JARID2: variants seen among roughly 807,000 people sequenced by gnomAD.
JARID2 encodes the protein protein Jumonji.
A neutral mutation model predicts 125.6 loss-of-function variants in JARID2; 21 were observed. That is an observed-to-expected ratio of 0.17 (90% CI 0.12 to 0.24). JARID2 has a LOEUF of 0.24. JARID2 is among the 10% of genes least tolerant of loss of function. JARID2 has a pLI of 1.00. For missense variants in JARID2, 1,303 were observed against 1,639.6 expected, an observed-to-expected ratio of 0.79 and a Z score of 3.55; for synonymous variants, 736 against 661.6, an observed-to-expected ratio of 1.11 and a Z score of -1.73.
At chr6:15,349,714 C>T (rs1763362199) in intron 1 of JARID2, among the ~76,000 whole-genome samples, 1 of 152,142 alleles carries the variant, frequency 6.6e-6, no homozygotes, top group African/African-American at 2.4e-5. Context: ...CCCCACCACC[C>T]CTTACGCTAG....
rs534085474 is a variant in JARID2, at chr6:15,255,977, G to A, written c.45+9393G>A. 3.3e-5 allele frequency among the ~76,000 whole-genome samples: 5 copies of A among 152,296 alleles called. No individual in the cohort carries two copies. In the South Asian group the frequency reaches 1.0e-3, roughly 32 times the overall value. Reference sequence around the variant, plus strand: ...AGTTTGGCCTTGTGTTAAACTGGCTGTGTGACTCCAGGCAGGCTATACAAC... The same window carrying A: ...AGTTTGGCCTTGTGTTAAACTGGCTATGTGACTCCAGGCAGGCTATACAAC... On this transcript the variant is annotated intron_variant, in intron 1 of 17. Transcript: ENST00000341776.
chr6:15,257,372 A>G (rs1759704893), intron 1 of JARID2, among the ~76,000 whole-genome samples: 1 of 152,164 alleles, frequency 6.6e-6, no homozygotes, highest in Non-Finnish European at 1.5e-5. Context: ...CTACTTGCAC[A>G]TACAGTTTTA....
chr6:15,386,463 C>T (rs1347625888), intron 2 of JARID2, among the ~76,000 whole-genome samples: 6 of 152,184 alleles, frequency 3.9e-5, no homozygotes, highest in South Asian at 4.2e-4. Context: ...AAGGTTCCTC[C>T]TTCTCCCTTC....
At chr6:15,475,004 C>T (rs1018557960) in intron 5 of JARID2, among the ~76,000 whole-genome samples, 1 of 152,234 alleles carries the variant, frequency 6.6e-6, no homozygotes, top group Admixed American at 6.5e-5. Context: ...TCCAAGTGGT[C>T]AGACTGCTGG....
At position 15,454,596 on chromosome 6, in the gene JARID2, A is replaced by G. The variant is rs561527364; in HGVS notation, c.493+2421A>G. ...GGGCTCAAGCCATCCTTCTGCCTCAACCTCTCCAATAGCTAGACCTACAGG... is the reference window on the plus strand; with the variant it reads ...GGGCTCAAGCCATCCTTCTGCCTCAGCCTCTCCAATAGCTAGACCTACAGG... On this transcript the variant is annotated intron_variant, in intron 4 of 17. Transcript: ENST00000341776. 5.4e-3 allele frequency among the ~76,000 whole-genome samples: 821 copies of G among 151,138 alleles called. 3 individuals carry two copies. The highest frequency in any genetic ancestry group is 7.2e-3 in the Non-Finnish European group (489 of 67,880).
chr6:15,368,775 G>T (rs770395861), intron 1 of JARID2: 4 of 466,904 alleles, frequency 8.6e-6, no homozygotes, highest in Admixed American at 6.9e-5. Context: ...AATACTGGCC[G>T]CATGGGATGG....
intron 1 of JARID2, among the ~76,000 whole-genome samples, chr6:15,289,746 T>C (rs1761136196): frequency 6.6e-6 from 1 of 152,158 alleles, no homozygotes; most frequent in African/African-American, 2.4e-5. Flanking sequence ...TTCAGGAGGC[T>C]GAGGCAGGAG....
intron 1 of JARID2, among the ~76,000 whole-genome samples, chr6:15,345,753 G>A (rs896614781): frequency 3.9e-5 from 6 of 151,954 alleles, no homozygotes; most frequent in African/African-American, 7.3e-5. Context: ...ATTTTCTTAC[G>A]TTTTCTTAGA....
intron 1 of JARID2, among the ~76,000 whole-genome samples, chr6:15,249,162 G>A (rs1309081211): frequency 6.6e-6 from 1 of 152,102 alleles, no homozygotes; most frequent in African/African-American, 2.4e-5. Flanking sequence ...GTAAAGAAAT[G>A]AAAGTATTCA....
intron 1 of JARID2, among the ~76,000 whole-genome samples, chr6:15,353,500 G>A (rs921180165): frequency 6.6e-6 from 1 of 152,134 alleles, no homozygotes; most frequent in African/African-American, 2.4e-5. Context: ...CATTATCGAG[G>A]AAGGTCTCTT....
At chr6:15,340,837 TGA>T (rs1763044443) in intron 1 of JARID2, among the ~76,000 whole-genome samples, 1 of 152,216 alleles carries the variant, frequency 6.6e-6, no homozygotes, top group African/African-American at 2.4e-5. Flanking sequence ...GTTGGCCTTA[TGA>T]CCTATCTGAA....
At chr6:15,284,350 G>A (rs982318588) in intron 1 of JARID2, among the ~76,000 whole-genome samples, 15 of 151,956 alleles carry the variant, frequency 9.9e-5, no homozygotes, top group Non-Finnish European at 1.9e-4. Flanking sequence ...TCAAGTCTTG[G>A]CATACATTGA....
rs189887021 is a variant in JARID2 at position 15,426,463 on chromosome 6, T to G, written c.323+16098T>G. Among the ~76,000 whole-genome samples the G allele has an allele frequency of 4.2e-3, 637 of 152,326 alleles. 7 individuals are homozygous for G. The highest frequency in any genetic ancestry group is 0.014 in the African/African-American group (599 of 41,570). ...ATTGGACAGGCCCAGCTAGGCAGAC[T>G]GGAAATGACCAAGAACCCAGGTAGT... On this transcript the variant is annotated intron_variant, in intron 3 of 17. Coordinates refer to ENST00000341776, the MANE Select transcript of JARID2 (RefSeq NM_004973.4).
chr6:15,448,027 C>T (rs1767750303), intron 3 of JARID2, among the ~76,000 whole-genome samples: 1 of 152,216 alleles, frequency 6.6e-6, no homozygotes, highest in African/African-American at 2.4e-5. Flanking sequence ...GTATGGGGCT[C>T]TTAATCCCCA....
chr6:15,467,154 A>G (rs778953861), intron 4 of JARID2, among the ~76,000 whole-genome samples: 10 of 152,136 alleles, frequency 6.6e-5, no homozygotes, highest in Non-Finnish European at 1.3e-4. Context: ...TTTTGGGGAG[A>G]TGGGTGCTTG....
chr6:15,339,765 C>T (rs1268843094), intron 1 of JARID2, among the ~76,000 whole-genome samples: 1 of 152,100 alleles, frequency 6.6e-6, no homozygotes, highest in Non-Finnish European at 1.5e-5. Flanking sequence ...GAACTCCCAA[C>T]CTCAGGTGAT....
At chr6:15,370,659 A>C (rs1194221005) in intron 1 of JARID2, among the ~76,000 whole-genome samples, 2 of 152,050 alleles carry the variant, frequency 1.3e-5, no homozygotes, top group Admixed American at 6.6e-5. Context: ...GCTGTTTTTT[A>C]GAGCGTTCAG....
At chr6:15,382,213 A>C (rs1480861578) in intron 2 of JARID2, among the ~76,000 whole-genome samples, 1 of 152,240 alleles carries the variant, frequency 6.6e-6, no homozygotes, top group Non-Finnish European at 1.5e-5. Flanking sequence ...TGGTGAGCCA[A>C]GATCGCACCA....
chr6:15,445,335 T>G (rs529506960), intron 3 of JARID2, among the ~76,000 whole-genome samples: 32 of 152,256 alleles, frequency 2.1e-4, no homozygotes, highest in Non-Finnish European at 4.3e-4. Context: ...ATTGGTTAAC[T>G]TTCCAAATAA....
Sources: gnomAD v4.1 joint callset for allele counts (sites outside exome capture counted in the v4.1 genomes callset) on GRCh38, gnomAD v4.1.1 for gene constraint, MANE v1.5 for transcripts, NCBI Gene and HGNC (gene_info 2026-07-23, HGNC 2026-07-21) for gene names.